Variants in USP28 observed in about 807,000 individuals in gnomAD.
The protein encoded by USP28 is ubiquitin specific peptidase 28.
USP28 carries 113 observed loss-of-function variants against 145.0 expected under a neutral mutation model. The ratio of observed to expected loss-of-function variants is 0.78; its 90% CI spans 0.67 to 0.91. USP28 has a LOEUF of 0.91. Among genes scored for constraint, USP28 ranks in the 40% least tolerant of loss-of-function variants. The pLI is 0.00. For synonymous variants in USP28, 447 were observed against 450.9 expected (o/e 0.99, Z 0.11); for missense variants, 1,201 against 1,289.6 (o/e 0.93, Z 1.05).
intron 1 of USP28, among the ~76,000 whole-genome samples, chr11:113,874,359 A>T (rs576939880): frequency 7.5e-6 from 1 of 133,782 alleles, no homozygotes; most frequent in Admixed American, 8.5e-5. Context: ...GGTGAGGCGG[A>T]GGATGCAGTG....
At chr11:113,822,101 C>A (rs1205195021) in intron 12 of USP28, among the ~76,000 whole-genome samples, 1 of 152,148 alleles carries the variant, frequency 6.6e-6, no homozygotes, top group African/African-American at 2.4e-5. Context: ...TATAAAACAT[C>A]AGGTATTCTC....
At chr11:113,836,927 C>T (rs987348386) in intron 5 of USP28, among the ~76,000 whole-genome samples, 1 of 152,190 alleles carries the variant, frequency 6.6e-6, no homozygotes, top group African/African-American at 2.4e-5. Flanking sequence ...AGCCCATTCC[C>T]ACCATGAAGC....
At chr11:113,810,696 G>A (rs1279196644) in intron 16 of USP28, among the ~76,000 whole-genome samples, 1 of 152,100 alleles carries the variant, frequency 6.6e-6, no homozygotes, top group Non-Finnish European at 1.5e-5. Context: ...TTTTTTTTGA[G>A]ACAAAGTCTC....
intron 5 of USP28, among the ~76,000 whole-genome samples, chr11:113,840,339 TCTCA>T (rs10544689): frequency 0.51 from 77,311 of 151,452 alleles, 20,801 homozygotes; most frequent in Non-Finnish European, 0.61. Context: ...CCTTATTCAC[TCTCA>T]CTGCTATAAT....
At chr11:113,808,130 C>A (rs1386806515) in intron 18 of USP28, 2 of 1,511,982 alleles carry the variant, frequency 1.3e-6, no homozygotes, top group African/African-American at 2.8e-5. Context: ...GGTTCAGCTT[C>A]TTTAAGCTGT....
chr11:113,799,033 T>C, exon 25 of USP28: 1 of 517,590 alleles, frequency 1.9e-6, no homozygotes, highest in South Asian at 2.7e-5. Context: ...GCTTTCTGCC[T>C]TTTCTAGTGA....
exon 5 of USP28, chr11:113,840,710 C>A (rs778616733): frequency 1.2e-6 from 2 of 1,614,198 alleles, no homozygotes; most frequent in Non-Finnish European, 1.7e-6. Context: ...GACTTCACAG[C>A]GTTTTCTCTT....
At chr11:113,856,395 T>G (rs1947053936) in intron 1 of USP28, among the ~76,000 whole-genome samples, 1 of 152,214 alleles carries the variant, frequency 6.6e-6, no homozygotes, top group East Asian at 1.9e-4. Flanking sequence ...AAAATTAACA[T>G]TTATGATTCA....
At chr11:113,818,917 A>G (rs1036719775) in intron 12 of USP28, among the ~76,000 whole-genome samples, 6 of 151,664 alleles carry the variant, frequency 4.0e-5, no homozygotes, top group Non-Finnish European at 7.4e-5. Flanking sequence ...AGACATAATC[A>G]TTTTCATGTT....
Position 113,808,242 on chromosome 11 carries a change from G to A in USP28, c.2304+56C>T, listed in dbSNP as rs1038489942. The stretch of plus-strand genomic sequence containing the variant: ...GAATAATAGAAATGTGAGAAAACTG[G>A]CCATCGCTGCTGAAAGCCCGGCTCT... On this transcript the variant is annotated intron_variant, in intron 18 of 24. Coordinates refer to ENST00000003302, the Ensembl canonical transcript of USP28. 5.7e-5 allele frequency: 91 copies of A among 1,584,582 alleles called. 3 individuals are homozygous for A. In the South Asian group the frequency reaches 8.9e-4, roughly 16 times the overall value.
At position 113,817,590 on chromosome 11, in the gene USP28, G is replaced by A; in HGVS notation, c.1463+68C>T. 7 of 1,531,262 alleles carry A rather than the reference G, an allele frequency of 4.6e-6. No individual in the cohort carries two copies. The South Asian group carries it at 8.5e-5, about 19-fold the overall frequency. The allele number at this position is 1,531,262 out of a possible 1,614,324, so 94.9% of individuals were successfully genotyped here. On this transcript the variant is annotated intron_variant, in intron 13 of 24. Coordinates refer to ENST00000003302, the Ensembl canonical transcript of USP28. ...TAGGTGACTGTCAATCAAGTACAAA[G>A]ATGGTGCATAGTTTAAATTATACCA... is the stretch of plus-strand genomic sequence containing the variant.
At chr11:113,843,366 A>G (rs1471081111) in intron 3 of USP28, among the ~76,000 whole-genome samples, 1 of 152,108 alleles carries the variant, frequency 6.6e-6, no homozygotes, top group African/African-American at 2.4e-5. Context: ...GTTCCACAGG[A>G]GCAGTTAAAA....
chr11:113,815,909 A>T (rs1243316072), intron 13 of USP28, among the ~76,000 whole-genome samples: 1 of 152,238 alleles, frequency 6.6e-6, no homozygotes, highest in Admixed American at 6.5e-5. Context: ...AATACACACT[A>T]GGTGACACCT....
At chr11:113,806,525 G>A (rs778694245) in exon 19 of USP28, 3 of 1,609,316 alleles carry the variant, frequency 1.9e-6, no homozygotes, top group Non-Finnish European at 2.5e-6. Context: ...CTCGGTCAAA[G>A]GTCTGACGGG....
chr11:113,827,462 T>G, intron 10 of USP28, 102 bp from the exon 11 acceptor site: 1 of 1,281,150 alleles, frequency 7.8e-7, no homozygotes, highest in Non-Finnish European at 1.0e-6. Context: ...TCCTTTGGTA[T>G]AGAACTTATA....
At chr11:113,832,833 C>T (rs1944159505) in intron 7 of USP28, among the ~76,000 whole-genome samples, 1 of 152,100 alleles carries the variant, frequency 6.6e-6, no homozygotes, top group Non-Finnish European at 1.5e-5. Context: ...TACAGTAGTG[C>T]AATCACAGCT....
chr11:113,816,640 G>A (rs541469662), intron 13 of USP28, among the ~76,000 whole-genome samples: 13 of 151,974 alleles, frequency 8.6e-5, no homozygotes, highest in Non-Finnish European at 1.6e-4. Context: ...GCCCAACAAG[G>A]GAACAGATAT....
At chr11:113,808,062 C>A in intron 18 of USP28, 1 of 1,365,544 alleles carries the variant, frequency 7.3e-7, no homozygotes, top group Non-Finnish European at 9.5e-7. Context: ...CATCATTAGC[C>A]TTTGGGGGCT....
chr11:113,826,961 A>G (rs1332973599), intron 11 of USP28, among the ~76,000 whole-genome samples: 2 of 151,654 alleles, frequency 1.3e-5, no homozygotes, highest in Non-Finnish European at 2.9e-5. Flanking sequence ...TAAGTCTGCT[A>G]GGAGCACCCC....
Sources: allele counts gnomAD v4.1 joint callset (sites outside exome capture counted in the v4.1 genomes callset), GRCh38; gene constraint gnomAD v4.1.1; transcripts MANE v1.5; gene names NCBI Gene and HGNC (gene_info 2026-07-23, HGNC 2026-07-21).